ATP13A4: variants seen among roughly 807,000 people sequenced by gnomAD.
ATP13A4 encodes probable cation-transporting ATPase 13A4.
A neutral mutation model predicts 142.5 loss-of-function variants in ATP13A4; 114 were observed. The ratio of observed to expected loss-of-function variants is 0.80; its 90% confidence interval spans 0.69 to 0.93. The LOEUF (loss-of-function observed/expected upper bound fraction) is 0.93, where lower values mean the gene tolerates loss of function less well. Ranked by LOEUF, ATP13A4 falls within the 40% of genes least tolerant of loss-of-function variation. The pLI, the probability that ATP13A4 is intolerant of heterozygous loss-of-function variation, is 0.00. For missense variants in ATP13A4, 1,392 were observed against 1,454.0 expected (o/e 0.96, Z 0.69); for synonymous variants, 488 against 514.8 (o/e 0.95, Z 0.70).
At chr3:193,556,362 CAT>C (rs371584215), upstream of ATP13A4, among the ~76,000 whole-genome samples, 33 of 152,092 alleles carry the variant, frequency 2.2e-4, no homozygotes, top group East Asian at 5.6e-3. Flanking sequence ...TCAATGTGTG[CAT>C]GTGTGTGTGT....
chr3:193,582,450 T>C (rs1052634847), intron 1 of ATP13A4, among the ~76,000 whole-genome samples: 1 of 147,618 alleles, frequency 6.8e-6, no homozygotes, highest in Admixed American at 6.9e-5. Flanking sequence ...CCTGGCCATA[T>C]GTATACTTTA....
At chr3:193,476,759 T>C (rs1178956680) in intron 8 of ATP13A4, among the ~76,000 whole-genome samples, 1 of 151,636 alleles carries the variant, frequency 6.6e-6, no homozygotes, top group East Asian at 1.9e-4. Flanking sequence ...TCACAGGGAG[T>C]AGGGAGGCCT....
At chr3:193,484,369 T>C (rs1349495454) in intron 7 of ATP13A4, among the ~76,000 whole-genome samples, 1 of 151,016 alleles carries the variant, frequency 6.6e-6, no homozygotes, top group Non-Finnish European at 1.5e-5. Context: ...AGTATGGTGG[T>C]TCCTGCTACT....
At chr3:193,514,669 A>T (rs773099698) in intron 2 of ATP13A4, 29 bp downstream of exon 2, 3 of 1,594,108 alleles carry the variant, frequency 1.9e-6, no homozygotes, top group East Asian at 2.6e-5. Flanking sequence ...AAAGGGGGGC[A>T]CCAGCGACAT....
intron 1 of ATP13A4, among the ~76,000 whole-genome samples, chr3:193,545,941 C>T (rs1452124715): frequency 1.3e-5 from 2 of 150,866 alleles, no homozygotes; most frequent in Non-Finnish European, 2.9e-5. Flanking sequence ...AGATGTTTCA[C>T]AGCGATTTTA....
chr3:193,434,285 T>C (rs1716136307), intron 24 of ATP13A4, among the ~76,000 whole-genome samples: 2 of 152,308 alleles, frequency 1.3e-5, no homozygotes, highest in South Asian at 4.1e-4. Context: ...CATCCCCAAG[T>C]GACAAATGTG....
At chr3:193,436,654 G>A (rs912843559) in intron 23 of ATP13A4, among the ~76,000 whole-genome samples, 5 of 151,370 alleles carry the variant, frequency 3.3e-5, no homozygotes, top group East Asian at 2.0e-4. Flanking sequence ...GTTTCATCAC[G>A]TTGGCCAAGC....
At chr3:193,502,692 A>G in intron 2 of ATP13A4, 53 bp from the exon 3 acceptor site, 1 of 1,529,490 alleles carries the variant, frequency 6.5e-7, no homozygotes, top group Non-Finnish European at 9.1e-7. Context: ...TCAGCAGGCT[A>G]CAATTCAACC....
In ATP13A4 at chr3:193,455,415, A is replaced by T. The variant is rs113173993; in HGVS notation, c.1916-1203T>A. 6.6e-5 allele frequency among the ~76,000 whole-genome samples: 10 copies of T among 152,260 alleles called. 2 individuals are homozygous for T. Among genetic ancestry groups the T allele is most frequent in the African/African-American group, 2.4e-4 (10 of 41,558 alleles). ...AAAAGAAGACGTACATAAGACCAAC[A>T]ATCACACACACACACAAAAGCTCAA... On this transcript the variant is annotated intron_variant, in intron 16 of 29. Coordinates refer to ENST00000342695, the MANE Select transcript of ATP13A4 (RefSeq NM_032279.4).
At chr3:193,481,494 TA>T (rs2108656713) in intron 8 of ATP13A4, among the ~76,000 whole-genome samples, 1 of 152,352 alleles carries the variant, frequency 6.6e-6, no homozygotes, top group South Asian at 2.1e-4. Context: ...CACTTATGGC[TA>T]AACACTGGTA....
At position 193,514,852 on chromosome 3, in the gene ATP13A4, G is replaced by T. The variant is rs971194458; in HGVS notation, c.80C>A (p.Thr27Asn). Residue 27 changes from threonine to asparagine, a missense_variant, in exon 2 of 30, where the codon ACT becomes AAT. Physicochemically the swap from Thr to Asn is moderately conservative, Grantham distance 65 (BLOSUM62 0). Transcript: ENST00000342695. ...ENEMEIFGYR[T>N]QGCRKSLCLA... is the part of the protein sequence containing the mutation. Reference sequence around the variant, plus strand: ...GCAGAGACTTTTCCGGCAGCCTTGAGTCCGATAGCCAAATATCTCCTGGGA... The same window carrying T: ...GCAGAGACTTTTCCGGCAGCCTTGATTCCGATAGCCAAATATCTCCTGGGA... The T allele has an allele frequency of 3.7e-6, 6 of 1,614,182 alleles. No homozygotes were observed. The highest frequency in any genetic ancestry group is 4.2e-6 in the Non-Finnish European group (5 of 1,180,008).
intron 13 of ATP13A4, among the ~76,000 whole-genome samples, chr3:193,462,468 G>A (rs1027432011): frequency 6.6e-6 from 1 of 152,064 alleles, no homozygotes; most frequent in South Asian, 2.1e-4. Context: ...CTTATACTGC[G>A]TCAACTTCAT....
At position 193,414,699 on chromosome 3, in the gene ATP13A4, C is replaced by T. The variant is rs751951657; in HGVS notation, c.2894G>A (p.Arg965Gln). Reference sequence around the variant, plus strand: ...GAGTAGCAGAGGTGGAGAGATCAGCCGTCCTGCAGGTCTGAAAGGCACCAG... The same window carrying T: ...GAGTAGCAGAGGTGGAGAGATCAGCTGTCCTGCAGGTCTGAAAGGCACCAG... Reference protein sequence around the residue: ...PKLVPFRPAGRLISPPLLLSV... With the variant: ...PKLVPFRPAGQLISPPLLLSV... Residue 965 changes from arginine (R) to glutamine (Q), a missense_variant, in exon 26 of 30, where the codon CGG becomes CAG. Physicochemically the swap from Arg to Gln is conservative, Grantham distance 43. Transcript: ENST00000342695. 8.7e-6 allele frequency: 14 copies of T among 1,614,054 alleles called. No homozygotes were observed. The highest frequency in any genetic ancestry group is 4.0e-5 in the African/African-American group (3 of 75,010).
In ATP13A4 at chr3:193,560,220, T is replaced by A. The variant is rs572944637; in HGVS notation, n.291+21487A>T. 3.9e-5 allele frequency among the ~76,000 whole-genome samples: 6 copies of A among 152,220 alleles called. No homozygotes were observed. In the East Asian group the frequency reaches 1.2e-3, roughly 29 times the overall value. The stretch of plus-strand genomic sequence containing the variant: ...AACATCATATTGCTACTCACTTTTT[T>A]TTTTTTGAGACAGGGTCTCGCTCTG... On this transcript the variant is annotated intron_variant and non_coding_transcript_variant, in intron 2 of 3. Coordinates refer to the ATP13A4 transcript ENST00000489140.
chr3:193,506,434 T>G (rs1720863625), intron 2 of ATP13A4, among the ~76,000 whole-genome samples: 1 of 152,214 alleles, frequency 6.6e-6, no homozygotes, highest in Non-Finnish European at 1.5e-5. Context: ...AGAGTGCATT[T>G]CAAAAGTCGA....
rs146539744 is a variant in ATP13A4, at chr3:193,585,203, A to G, written n.92-3297T>C. Among the ~76,000 whole-genome samples, 97 of 152,264 alleles carry G rather than the reference A, an allele frequency of 6.4e-4. 1 individual carries two copies. The East Asian group carries it at 0.017, about 27-fold the overall frequency. On this transcript the variant is annotated intron_variant and non_coding_transcript_variant, in intron 1 of 3. Transcript: ENST00000489140. ...GAGGCAAAGGTTCGTGGCTCACTTG[A>G]GATCAGGAGTTTAAGACCAGACTGA...
At chr3:193,529,554 GA>G (rs1375767733) in intron 1 of ATP13A4, among the ~76,000 whole-genome samples, 1 of 151,938 alleles carries the variant, frequency 6.6e-6, no homozygotes, top group Non-Finnish European at 1.5e-5. Flanking sequence ...ATGATTTATG[GA>G]AGGGCCACTC....
intron 7 of ATP13A4, among the ~76,000 whole-genome samples, chr3:193,486,549 G>T (rs1384041101): frequency 6.6e-6 from 1 of 152,196 alleles, no homozygotes; most frequent in East Asian, 1.9e-4. Context: ...GCAACAGAAT[G>T]GTCAGCAGTA....
Position 193,438,548 on chromosome 3 carries a change from C to T in ATP13A4, c.2599G>A (p.Glu867Lys), listed in dbSNP as rs755260373. 1.9e-6 allele frequency: 3 copies of T among 1,614,040 alleles called. No individual in the cohort carries two copies. Among genetic ancestry groups the T allele is most frequent in the Admixed American group, 1.7e-5 (1 of 60,000 alleles). ...GGTGAGGCCACAGATGCCTCCTGCT[C>T]TGATAATGAGATGCCCACATGAGCC... ...KMAHVGISLS[E>K]QEASVASPFT... The change falls in exon 23 of 30, where the codon GAG becomes AAG. Residue 867 changes from glutamate (E) to lysine (K), a missense_variant. Glu to Lys is a moderately conservative substitution (Grantham distance 56). Transcript: ENST00000342695.
Sources: allele counts gnomAD v4.1 joint callset (sites outside exome capture counted in the v4.1 genomes callset), GRCh38; gene constraint gnomAD v4.1.1; transcripts MANE v1.5; gene names NCBI Gene and HGNC (gene_info 2026-07-23, HGNC 2026-07-21).